The following PEX13 variants were observed in gnomAD, a reference collection of about 807,000 sequenced individuals.
PEX13 encodes peroxisome biogenesis factor 13.
PEX13 carries 28 observed loss-of-function variants against 34.5 expected under a neutral mutation model. The ratio of observed to expected loss-of-function variants is 0.81; its 90% CI spans 0.60 to 1.11. The LOEUF is 1.11. Ranked by LOEUF, PEX13 falls within the 50% of genes most tolerant of loss-of-function variation. The pLI is 0.00. For synonymous variants in PEX13, 177 were observed against 175.1 expected (o/e 1.01, Z -0.09); for missense variants, 550 against 491.0 (o/e 1.12, Z -1.13).
intron 3 of PEX13, 84 bp from the exon 4 acceptor site, chr2:61,048,388 C>T (rs1680742353): frequency 1.8e-6 from 2 of 1,124,714 alleles, no homozygotes; most frequent in African/African-American, 3.0e-5. Flanking sequence ...AACAGATTTT[C>T]CTGAATGTGA....
At chr2:61,046,852 A>G (rs923581849) in intron 3 of PEX13, among the ~76,000 whole-genome samples, 2 of 152,192 alleles carry the variant, frequency 1.3e-5, no homozygotes, top group African/African-American at 4.8e-5. Context: ...AATACTTTCA[A>G]TGTTCAAATC....
intron 1 of PEX13, among the ~76,000 whole-genome samples, chr2:61,022,605 A>T (rs970633577): frequency 1.3e-5 from 2 of 152,220 alleles, no homozygotes; most frequent in African/African-American, 4.8e-5. Flanking sequence ...GGAGTGGTTC[A>T]CATTTGTAAT....
At chr2:61,018,315 GA>G (rs1680151954) in intron 1 of PEX13, 3 of 1,548,822 alleles carry the variant, frequency 1.9e-6, no homozygotes, top group Non-Finnish European at 1.7e-6. Context: ...TACGCAACAG[GA>G]ACTCAAGCCC....
chr2:61,020,812 G>A lies in PEX13; in HGVS notation c.92+2961G>A, dbSNP rs934712377. On this transcript the variant is annotated intron_variant, in intron 1 of 3. Transcript: ENST00000295030. ...TGAGACTACAGGCGCGTGCCACTCC[G>A]CCCAGCTAATTTTTGTATTTTTAAT... Among the ~76,000 whole-genome samples, 10 of 151,720 alleles carry A rather than the reference G, an allele frequency of 6.6e-5. No individual in the cohort carries two copies. In the East Asian group the frequency reaches 7.7e-4, roughly 12 times the overall value.
chr2:61,020,414 G>A (rs1015354161), intron 1 of PEX13, among the ~76,000 whole-genome samples: 3 of 151,712 alleles, frequency 2.0e-5, no homozygotes, highest in Non-Finnish European at 2.9e-5. Flanking sequence ...TAAATATTAT[G>A]TACAGCATAA....
intron 2 of PEX13, among the ~76,000 whole-genome samples, chr2:61,034,288 C>G (rs1174732455): frequency 6.6e-6 from 1 of 152,200 alleles, no homozygotes; most frequent in Non-Finnish European, 1.5e-5. Context: ...TGAGCCACCA[C>G]ACCCAGCCGA....
rs759326400 is a variant in PEX13 at position 61,048,958 on chromosome 2, A to G, written c.*188A>G. 5 of 599,462 alleles carry G rather than the reference A, an allele frequency of 8.3e-6. No individual in the cohort carries two copies. The highest frequency in any genetic ancestry group is 1.9e-5 in the African/African-American group (1 of 53,852). 37.1% of individuals were successfully genotyped at this position (599,462 alleles called of 1,614,324 possible). ...TGGTGACCTGGTTACATTTTATTATACACATTATTGGACCATAAGGACATT... is the reference window on the plus strand; with the variant it reads ...TGGTGACCTGGTTACATTTTATTATGCACATTATTGGACCATAAGGACATT... On this transcript the variant is annotated 3_prime_UTR_variant, in exon 4 of 4. Coordinates refer to ENST00000295030, the MANE Select transcript of PEX13 (RefSeq NM_002618.4).
chr2:61,031,632 G>T lies in PEX13; in HGVS notation c.306G>T (p.Gly102=). 6.2e-7 allele frequency: 1 copy of T among 1,614,090 alleles called. No individual in the cohort carries two copies. Among genetic ancestry groups the T allele is most frequent in the Non-Finnish European group, 8.5e-7 (1 of 1,179,988 alleles). Residue 102 remains glycine, a synonymous_variant, in exon 2 of 4, where the codon GGG becomes GGT. Coordinates refer to ENST00000295030, the MANE Select transcript of PEX13 (RefSeq NM_002618.4). ...GTCCTTATAGTTATGGATATAATGG[G>T]CTGGGCTACAACCGCCTCCGTGTAG... The part of the protein sequence containing the change: ...GYSPYSYGYN[G]LGYNRLRVDD...
intron 1 of PEX13, 51 bp downstream of exon 1, chr2:61,017,902 T>C (rs373867417): frequency 6.6e-7 from 1 of 1,518,580 alleles, no homozygotes. Context: ...GAGCGGGGAC[T>C]TGGCAGGAGG....
chr2:61,029,139 CAAAAAAA>C (rs539310122), intron 1 of PEX13, among the ~76,000 whole-genome samples: 1 of 130,438 alleles, frequency 7.7e-6, no homozygotes, highest in Non-Finnish European at 1.6e-5. Flanking sequence ...ACCCTGTCTC[CAAAAAAA>C]AAAAAAAAAG....
rs1349120970 is a variant in PEX13 at position 61,049,944 on chromosome 2, ATTGT to A, written c.*1178_*1181del. Reference sequence around the variant, plus strand: ...ATAGTAATTTTTAATATTTTCATAGATTGTTTGCTTCTACCTTGTGTAATTTTTT... The same window carrying A: ...ATAGTAATTTTTAATATTTTCATAGATTGCTTCTACCTTGTGTAATTTTTT... On this transcript the variant is annotated 3_prime_UTR_variant, in exon 4 of 4. Coordinates refer to ENST00000295030, the MANE Select transcript of PEX13 (RefSeq NM_002618.4). 3 of 152,284 alleles carry A rather than the reference ATTGT, an allele frequency of 2.0e-5. No individual in the cohort carries two copies. The highest frequency in any genetic ancestry group is 2.1e-4 in the South Asian group (1 of 4,818). The allele number at this position is 152,284 out of a possible 1,614,324, so 9.4% of individuals were successfully genotyped here. A position where few individuals can be genotyped will look rare whatever the true frequency, so the allele number is the denominator to read the frequency against.
chr2:61,017,788 A>T lies in PEX13; in HGVS notation c.29A>T (p.Lys10Ile), dbSNP rs1230492316. ...GCGTCCCAGCCGCCACCTCCCCCCAAACCCTGGGAGACCCGCCGAATTCCG... is the reference window on the plus strand; with the variant it reads ...GCGTCCCAGCCGCCACCTCCCCCCATACCCTGGGAGACCCGCCGAATTCCG... MASQPPPPPKPWETRRIPGA... is the reference protein window; with the variant it reads MASQPPPPPIPWETRRIPGA... The change falls in exon 1 of 4, where the codon AAA (lysine) becomes ATA (isoleucine). Residue 10 changes from lysine (K) to isoleucine (I), a missense_variant. Coordinates refer to ENST00000295030, the MANE Select transcript of PEX13 (RefSeq NM_002618.4). The T allele has an allele frequency of 9.0e-6, 14 of 1,550,276 alleles. No individual in the cohort carries two copies. Among genetic ancestry groups the T allele is most frequent in the Non-Finnish European group, 1.0e-5 (12 of 1,146,916 alleles).
intron 1 of PEX13, among the ~76,000 whole-genome samples, chr2:61,024,562 C>G (rs112810389): frequency 0.014 from 2,194 of 152,266 alleles, 64 homozygotes; most frequent in African/African-American, 0.05. Flanking sequence ...GTAATCCCAG[C>G]ACTTTGGGAG....
rs1276897412 is a variant in PEX13 at position 61,051,481 on chromosome 2, G to A, written c.*2711G>A. ...TAAATTACGGTATGCATTATCTGGTGACTATTTGTGCCTGAAAATTCGTTT... is the reference window on the plus strand; with the variant it reads ...TAAATTACGGTATGCATTATCTGGTAACTATTTGTGCCTGAAAATTCGTTT... On this transcript the variant is annotated 3_prime_UTR_variant, in exon 4 of 4. Coordinates refer to ENST00000295030, the MANE Select transcript of PEX13 (RefSeq NM_002618.4). The A allele has an allele frequency of 6.6e-6, 1 of 152,330 alleles. No homozygotes were observed. The highest frequency in any genetic ancestry group is 2.4e-5 in the African/African-American group (1 of 41,452). 9.4% of individuals were successfully genotyped at this position (152,330 alleles called of 1,614,324 possible). A position where few individuals can be genotyped will look rare whatever the true frequency, so the allele number is the denominator to read the frequency against.
chr2:61,048,377 T>A (rs1193689558), intron 3 of PEX13, 95 bp from the exon 4 acceptor site: 8 of 999,376 alleles, frequency 8.0e-6, no homozygotes, highest in Non-Finnish European at 1.3e-5. Context: ...TATGTAAGCA[T>A]AACAGATTTT....
At chr2:61,046,703 A>C (rs1205541855) in intron 3 of PEX13, among the ~76,000 whole-genome samples, 1 of 152,222 alleles carries the variant, frequency 6.6e-6, no homozygotes, top group Admixed American at 6.5e-5. Context: ...GCAAAGGTGC[A>C]ATAGAACTGG....
chr2:61,044,226 C>T (rs1329896467), intron 2 of PEX13, among the ~76,000 whole-genome samples: 1 of 151,974 alleles, frequency 6.6e-6, no homozygotes, highest in Non-Finnish European at 1.5e-5. Flanking sequence ...AGTGAGATTA[C>T]AGGCATGAAC....
At chr2:61,024,359 C>T (rs1025401957) in intron 1 of PEX13, among the ~76,000 whole-genome samples, 3 of 152,200 alleles carry the variant, frequency 2.0e-5, no homozygotes, top group Non-Finnish European at 4.4e-5. Context: ...TTTAACTCAA[C>T]TTGCATATAT....
chr2:61,020,147 A>G (rs910283640), intron 1 of PEX13, among the ~76,000 whole-genome samples: 2 of 152,144 alleles, frequency 1.3e-5, no homozygotes, highest in African/African-American at 4.8e-5. Context: ...AATGGCGTGA[A>G]CCCACGAGGC....
Sources: gnomAD v4.1 joint callset for allele counts (sites outside exome capture counted in the v4.1 genomes callset) on GRCh38, gnomAD v4.1.1 for gene constraint, MANE v1.5 for transcripts, NCBI Gene and HGNC (gene_info 2026-07-23, HGNC 2026-07-21) for gene names.